The following DYRK4 variants were observed in gnomAD, a reference collection of about 807,000 sequenced individuals.
The protein encoded by DYRK4 is dual specificity tyrosine-phosphorylation-regulated kinase 4.
In DYRK4, 64 loss-of-function variants were observed where a neutral mutation model predicts 68.3. That is an observed-to-expected ratio of 0.94 (90% CI 0.77 to 1.15). The LOEUF (loss-of-function observed/expected upper bound fraction) is 1.15. Among genes scored for constraint, DYRK4 ranks in the 50% most tolerant of loss-of-function variants. The pLI, the probability that DYRK4 is intolerant of heterozygous loss-of-function variation, is 0.00. For synonymous variants in DYRK4, 274 were observed against 289.9 expected (o/e 0.95, Z 0.56); for missense variants, 740 against 764.7 (o/e 0.97, Z 0.38).
At chr12:4,611,916 A>T (rs1411473030) in intron 13 of DYRK4, among the ~76,000 whole-genome samples, 1 of 152,232 alleles carries the variant, frequency 6.6e-6, no homozygotes, top group Non-Finnish European at 1.5e-5. Flanking sequence ...CCTGGGTAAA[A>T]GTTACTGGGA....
Position 4,613,471 on chromosome 12 carries a change from A to G in DYRK4, c.1667-44A>G, listed in dbSNP as rs1206864386. On this transcript the variant is annotated intron_variant, in intron 14 of 14. Coordinates refer to ENST00000543431, the MANE Select transcript of DYRK4 (RefSeq NM_001394779.1). This position sits in a 1 kb window ranked among gnomAD's most constrained non-coding sequence, Gnocchi z 4.0. ...CTAAAGGACAATTAACATATAATCC[A>G]CATTTGAATCTTGTTCCCTTCTGTC... 6.3e-7 allele frequency: 1 copy of G among 1,574,912 alleles called. No homozygotes were observed. Among genetic ancestry groups the G allele is most frequent in the Admixed American group, 1.8e-5 (1 of 57,010 alleles).
At chr12:4,579,469 G>A (rs1944820411) in intron 2 of DYRK4, among the ~76,000 whole-genome samples, 1 of 152,014 alleles carries the variant, frequency 6.6e-6, no homozygotes, top group South Asian at 2.1e-4. Flanking sequence ...CTGACATGCC[G>A]GTCACTTTAG....
chr12:4,591,252 AGAG>A lies in DYRK4; in HGVS notation c.421_423del (p.Glu141del), dbSNP rs1373898841. 6.8e-6 allele frequency: 11 copies of A among 1,614,080 alleles called. No individual in the cohort carries two copies. The highest frequency in any genetic ancestry group is 9.3e-6 in the Non-Finnish European group (11 of 1,180,046). ...GCATTAAAACCCAGGATCCCAAGGC[AGAG>A]GAGAAGTCACCAAAGAAGCAAAAGG... On this transcript the variant is annotated inframe_deletion, in exon 5 of 15. Transcript: ENST00000543431. The surrounding 1 kb of genome is among the most constrained non-coding windows in gnomAD (Gnocchi z 4.1).
chr12:4,586,288 C>A (rs980224289), intron 2 of DYRK4, among the ~76,000 whole-genome samples: 1 of 152,164 alleles, frequency 6.6e-6, no homozygotes, highest in African/African-American at 2.4e-5. Context: ...TTAGACTGCA[C>A]AGGAAGCACC....
intron 1 of DYRK4, chr12:4,563,204 A>G (rs999078307): frequency 2.2e-6 from 1 of 453,840 alleles, no homozygotes; most frequent in South Asian, 1.6e-5. Context: ...GTTCGAAGAA[A>G]TTCTTCAAAC....
intron 2 of DYRK4, among the ~76,000 whole-genome samples, chr12:4,583,632 T>C (rs1481317947): frequency 6.6e-6 from 1 of 152,102 alleles, no homozygotes; most frequent in African/African-American, 2.4e-5. Context: ...CGACCTCAGG[T>C]GGTCCACCTG....
intron 2 of DYRK4, among the ~76,000 whole-genome samples, chr12:4,571,707 T>C (rs1944732311): frequency 6.6e-6 from 1 of 152,240 alleles, no homozygotes; most frequent in African/African-American, 2.4e-5. Context: ...TAAAATAGTA[T>C]TTTGAATATA....
At chr12:4,588,141 C>T (rs943593011) in intron 2 of DYRK4, among the ~76,000 whole-genome samples, 6 of 152,232 alleles carry the variant, frequency 3.9e-5, no homozygotes, top group African/African-American at 1.4e-4. Context: ...CTCACTGTAA[C>T]CTGGAAATCT....
chr12:4,593,171 G>A lies in DYRK4; in HGVS notation c.627+6G>A. 1 of 1,613,102 alleles carries A rather than the reference G, an allele frequency of 6.2e-7. No homozygotes were observed. Among genetic ancestry groups the A allele is most frequent in the Non-Finnish European group, 8.5e-7 (1 of 1,179,794 alleles). ...AGCATGGCTTCTATCTGAAGGTGAT[G>A]GGGGTGGGGGCCATGGGAACCTGCA... is the stretch of plus-strand genomic sequence containing the variant. On this transcript the variant is annotated splice_donor_region_variant and intron_variant, in intron 6 of 14. Coordinates refer to ENST00000543431, the MANE Select transcript of DYRK4 (RefSeq NM_001394779.1).
At position 4,603,893 on chromosome 12, in the gene DYRK4, T is replaced by A. The variant is rs548169088; in HGVS notation, c.1127-1021T>A. Among the ~76,000 whole-genome samples, 270 of 152,292 alleles carry A rather than the reference T, an allele frequency of 1.8e-3. 1 individual carries two copies. The highest frequency in any genetic ancestry group is 6.2e-3 in the African/African-American group (257 of 41,576). On this transcript the variant is annotated intron_variant, in intron 10 of 14. Coordinates refer to ENST00000543431, the MANE Select transcript of DYRK4 (RefSeq NM_001394779.1). ...TGGTTTCTAGCAGTCATTTCCCCCT[T>A]TGCATATTTTCTGACATCTTTTTTA...
At chr12:4,599,888 C>T in intron 10 of DYRK4, 100 bp downstream of exon 10, 1 of 931,394 alleles carries the variant, frequency 1.1e-6, no homozygotes, top group Non-Finnish European at 1.7e-6. Flanking sequence ...TCAGCTGTCA[C>T]CACTACCAGT....
rs1944955581 is a variant in DYRK4, at chr12:4,591,590, T to G, written c.463+292T>G. The G allele has an allele frequency of 5.7e-6, 2 of 349,614 alleles. No homozygotes were observed. Among genetic ancestry groups the G allele is most frequent in the Non-Finnish European group, 1.0e-5 (2 of 192,960 alleles). The allele number at this position is 349,614 out of a possible 1,614,324, so 21.7% of individuals were successfully genotyped here. On this transcript the variant is annotated intron_variant, in intron 5 of 14. Transcript: ENST00000543431. The surrounding 1 kb of genome is among the most constrained non-coding windows in gnomAD (Gnocchi z 4.1). ...TGCCTAAGGAGCCCAGACACAAGGC[T>G]CCTGTCATTTTATGGACCCAGGGGC...
chr12:4,568,488 C>A (rs939241835), intron 2 of DYRK4, among the ~76,000 whole-genome samples: 1 of 151,836 alleles, frequency 6.6e-6, no homozygotes, highest in Admixed American at 6.6e-5. Flanking sequence ...TGGGTTCAAG[C>A]GATTCTCCTG....
At chr12:4,602,206 T>C (rs1367444959) in intron 10 of DYRK4, 12 of 890,062 alleles carry the variant, frequency 1.3e-5, no homozygotes, top group Admixed American at 7.1e-5. Context: ...GCTGTTCATG[T>C]CTTCAATCTG....
chr12:4,578,662 C>T (rs1439951302), intron 2 of DYRK4, among the ~76,000 whole-genome samples: 2 of 152,156 alleles, frequency 1.3e-5, no homozygotes, highest in African/African-American at 2.4e-5. Flanking sequence ...TTTGCTAATT[C>T]TCACCCACAG....
At chr12:4,599,509 G>A (rs1945057417) in intron 9 of DYRK4, 198 bp from the exon 10 acceptor site, 1 of 580,190 alleles carries the variant, frequency 1.7e-6, no homozygotes, top group African/African-American at 1.9e-5. Flanking sequence ...TGACTATGAG[G>A]TCTGAATGAG....
chr12:4,602,041 T>C (rs529884349), intron 10 of DYRK4: 7 of 380,980 alleles, frequency 1.8e-5, no homozygotes, highest in South Asian at 1.5e-4. Flanking sequence ...TAGAACCTAA[T>C]TGGAAAGTTA....
At chr12:4,602,342 C>G (rs184421314) in intron 10 of DYRK4, 71 of 890,898 alleles carry the variant, frequency 8.0e-5, no homozygotes, top group Non-Finnish European at 1.2e-4. Flanking sequence ...TGCTCTTCCT[C>G]TCTTTTCAGC....
chr12:4,576,781 A>G (rs562135063), intron 2 of DYRK4, among the ~76,000 whole-genome samples: 1 of 152,224 alleles, frequency 6.6e-6, no homozygotes, highest in Non-Finnish European at 1.5e-5. Context: ...ATCTTTTCAT[A>G]TGCATATTTG....
Sources: allele counts gnomAD v4.1 joint callset (sites outside exome capture counted in the v4.1 genomes callset), GRCh38; gene constraint gnomAD v4.1.1; non-coding constraint Gnocchi (gnomAD v3.1); transcripts MANE v1.5; gene names NCBI Gene and HGNC (gene_info 2026-07-23, HGNC 2026-07-21).